ADD2: variants seen among roughly 807,000 people sequenced by gnomAD.
The protein encoded by ADD2 is adducin 2.
In ADD2, 23 loss-of-function variants were observed where a neutral mutation model predicts 83.0. The ratio of observed to expected loss-of-function variants is 0.28; its 90% CI spans 0.20 to 0.39. The LOEUF is 0.39. Among genes scored for constraint, ADD2 ranks in the 10% least tolerant of loss-of-function variants. The pLI, the probability that ADD2 is intolerant of heterozygous loss-of-function variation, is 1.00. For missense variants in ADD2, 758 were observed against 944.9 expected, an observed-to-expected ratio of 0.80 and a Z score of 2.59; for synonymous variants, 375 against 375.4, an observed-to-expected ratio of 1.00 and a Z score of 0.01.
At chr2:70,741,054 C>T (rs956064002) in intron 1 of ADD2, among the ~76,000 whole-genome samples, 2 of 152,124 alleles carry the variant, frequency 1.3e-5, no homozygotes, top group African/African-American at 4.8e-5. Context: ...TGAGTTCCTG[C>T]TCCTTTGTCA....
chr2:70,690,901 G>C lies in ADD2; in HGVS notation c.734C>G (p.Pro245Arg), dbSNP rs1414497807. Residue 245 changes from proline (P) to arginine (R), a missense_variant, in exon 8 of 16, where the codon CCT becomes CGT. This residue lies in a region of ADD2 where 394 missense variants were observed against 509.3 expected (regional missense o/e 0.77). Coordinates refer to ENST00000264436, the MANE Select transcript of ADD2 (RefSeq NM_001617.4). ...AVSAMKWGLL[P>R]VSHNALLVGD... ...CACCAGCAGGGCATTGTGGGAGACAGGCAGGAGGCCCCACTTCATGGCCGA... is the reference window on the plus strand; with the variant it reads ...CACCAGCAGGGCATTGTGGGAGACACGCAGGAGGCCCCACTTCATGGCCGA... 2 of 1,613,594 alleles carry C rather than the reference G, an allele frequency of 1.2e-6. No homozygotes were observed.
chr2:70,683,857 G>A, intron 9 of ADD2, 90 bp from the exon 10 acceptor site: 2 of 1,401,888 alleles, frequency 1.4e-6, no homozygotes, highest in Non-Finnish European at 9.5e-7. Flanking sequence ...AGAATGGGGA[G>A]TCCAGAGGAG....
At chr2:70,738,766 G>A (rs1381993294) in intron 1 of ADD2, among the ~76,000 whole-genome samples, 34 of 152,198 alleles carry the variant, frequency 2.2e-4, no homozygotes, top group Non-Finnish European at 3.1e-4. Flanking sequence ...TCCACCTCTA[G>A]GCTACTTGTA....
chr2:70,721,097 T>G (rs1487267818), intron 1 of ADD2, among the ~76,000 whole-genome samples: 1 of 152,180 alleles, frequency 6.6e-6, no homozygotes, highest in African/African-American at 2.4e-5. Flanking sequence ...TAGGTCAGAA[T>G]AGTCTTATTC....
At chr2:70,749,815 G>A (rs1482086634) in intron 1 of ADD2, among the ~76,000 whole-genome samples, 1 of 152,188 alleles carries the variant, frequency 6.6e-6, no homozygotes, top group Non-Finnish European at 1.5e-5. Context: ...CAGGAGCCTG[G>A]CACATTGGTA....
At chr2:70,680,186 T>C (rs1670386057) in intron 10 of ADD2, among the ~76,000 whole-genome samples, 1 of 152,216 alleles carries the variant, frequency 6.6e-6, no homozygotes, top group Non-Finnish European at 1.5e-5. Context: ...ATGAGTTCAC[T>C]TTTTATGTTT....
intron 2 of ADD2, among the ~76,000 whole-genome samples, chr2:70,707,304 C>T (rs1346426720): frequency 6.6e-6 from 1 of 152,212 alleles, no homozygotes; most frequent in African/African-American, 2.4e-5. Flanking sequence ...GAAACAACAA[C>T]TAAATATGGT....
intron 15 of ADD2, among the ~76,000 whole-genome samples, chr2:70,668,292 G>A (rs1348898946): frequency 6.6e-6 from 1 of 152,060 alleles, no homozygotes; most frequent in Admixed American, 6.5e-5. Flanking sequence ...AGGAATGCCA[G>A]CTCCCCCAGC....
intron 15 of ADD2, among the ~76,000 whole-genome samples, chr2:70,672,160 A>T (rs1669921612): frequency 6.6e-6 from 1 of 152,232 alleles, no homozygotes; most frequent in African/African-American, 2.4e-5. Flanking sequence ...GACAGTCAAC[A>T]AAACTGAGGC....
intron 4 of ADD2, among the ~76,000 whole-genome samples, chr2:70,699,488 A>G (rs1671477735): frequency 6.6e-6 from 1 of 152,188 alleles, no homozygotes; most frequent in Admixed American, 6.5e-5. Context: ...GTTTACAAAA[A>G]ATAAAAACAG....
chr2:70,674,726 A>G lies in ADD2; in HGVS notation c.1693T>C (p.Leu565=). 8 of 1,613,524 alleles carry G rather than the reference A, an allele frequency of 5.0e-6. No individual in the cohort carries two copies. Among genetic ancestry groups the G allele is most frequent in the Non-Finnish European group, 6.8e-6 (8 of 1,179,900 alleles). ...NPFSQLTDQE[L]EEYKKEVERK... ...TCCACCTCTTTCTTGTACTCCTCCA[A>G]CTCCTGGTCAGTGAGTTGGCTGAAG... Residue 565 remains leucine (L), a synonymous_variant, in exon 14 of 16, where the codon TTG becomes CTG. Transcript: ENST00000264436.
At chr2:70,765,243 T>C (rs372639082) in intron 1 of ADD2, among the ~76,000 whole-genome samples, 116 of 149,910 alleles carry the variant, frequency 7.7e-4, no homozygotes, top group African/African-American at 2.8e-3. Flanking sequence ...GTCCCAGCTA[T>C]TCGGGAGGCT....
At position 70,657,081 on chromosome 2, in the gene ADD2, GCACGT is replaced by G. The variant is rs1445287965; in HGVS notation, c.*6339_*6343del. On this transcript the variant is annotated 3_prime_UTR_variant, in exon 16 of 16. Coordinates refer to ENST00000264436, the MANE Select transcript of ADD2 (RefSeq NM_001617.4). ...AGCCCAAGAAACTAACCACCGATCT[GCACGT>G]CAGTGGCTCAAAAAGTGTTAGCATA... 1 of 151,844 alleles carries G rather than the reference GCACGT, an allele frequency of 6.6e-6. No homozygotes were observed. Among genetic ancestry groups the G allele is most frequent in the Non-Finnish European group, 1.5e-5 (1 of 67,994 alleles). The allele number at this position is 151,844 out of a possible 1,614,324, so 9.4% of individuals were successfully genotyped here.
At chr2:70,673,118 C>A in intron 14 of ADD2, 112 bp from the exon 15 acceptor site, 1 of 1,537,346 alleles carries the variant, frequency 6.5e-7, no homozygotes, top group Admixed American at 1.8e-5. Context: ...ATCCTCCTGG[C>A]TGATAATGAG....
rs1670158417 is a variant in ADD2 at position 70,676,654 on chromosome 2, T to C, written c.1593+142A>G. On this transcript the variant is annotated intron_variant, in intron 13 of 15. Transcript: ENST00000264436. This position sits in a 1 kb window ranked among gnomAD's most constrained non-coding sequence, Gnocchi z 4.8. Reference sequence around the variant, plus strand: ...AGCACCCCTGTGAGGTTGGCCTCCATTTTGCAGCAAGAGCACCGGCACCCA... The same window carrying C: ...AGCACCCCTGTGAGGTTGGCCTCCACTTTGCAGCAAGAGCACCGGCACCCA... The C allele has an allele frequency of 1.3e-6, 2 of 1,487,118 alleles. No homozygotes were observed. The highest frequency in any genetic ancestry group is 2.2e-5 in the Admixed American group (1 of 44,936). The allele number at this position is 1,487,118 out of a possible 1,614,324, so 92.1% of individuals were successfully genotyped here.
Position 70,704,458 on chromosome 2 carries a change from G to C in ADD2, c.185C>G (p.Ser62Cys). ...GAGGCCTTCCAGCTCCTCCCTGAAA[G>C]ACTGAAGCAGGCCCCGAGGTGCTTG... ...KRVTMILQSPSFREELEGLIQ... is the reference protein window; with the variant it reads ...KRVTMILQSPCFREELEGLIQ... Residue 62 changes from serine (S) to cysteine (C), a missense_variant and splice_region_variant, in exon 4 of 16, where the codon TCT (serine) becomes TGT (cysteine). By Grantham distance (112) the Ser-to-Cys change is moderately radical. Coordinates refer to ENST00000264436, the MANE Select transcript of ADD2 (RefSeq NM_001617.4). 6.2e-7 allele frequency: 1 copy of C among 1,614,080 alleles called. No homozygotes were observed. Among genetic ancestry groups the C allele is most frequent in the South Asian group, 1.1e-5 (1 of 91,056 alleles).
intron 1 of ADD2, among the ~76,000 whole-genome samples, chr2:70,750,558 G>A (rs13025755): frequency 0.19 from 28,241 of 152,100 alleles, 3,334 homozygotes; most frequent in East Asian, 0.45. Context: ...GACAGAGGTA[G>A]AGACTGGATT....
intron 3 of ADD2, among the ~76,000 whole-genome samples, chr2:70,705,394 G>A (rs2104383079): frequency 6.9e-6 from 1 of 144,432 alleles, no homozygotes; most frequent in Admixed American, 6.8e-5. Context: ...GAGCCCAGAA[G>A]GCCAAGGCAG....
At position 70,715,697 on chromosome 2, in the gene ADD2, G is replaced by A. The variant is rs116675851; in HGVS notation, c.-153-2513C>T. 5.6e-3 allele frequency among the ~76,000 whole-genome samples: 850 copies of A among 152,168 alleles called. 6 individuals are homozygous for A. Among genetic ancestry groups the A allele is most frequent in the Non-Finnish European group, 9.1e-3 (622 of 67,996 alleles). ...GCCTATTCCTGTGTCCTGCAGCCTC[G>A]TTAAAAATCAACCTGCAAATGGACC... On this transcript the variant is annotated intron_variant, in intron 1 of 15. Coordinates refer to ENST00000264436, the MANE Select transcript of ADD2 (RefSeq NM_001617.4).
Sources: allele counts gnomAD v4.1 joint callset (sites outside exome capture counted in the v4.1 genomes callset), GRCh38; gene constraint gnomAD v4.1.1; regional missense constraint gnomAD v4.1.1; non-coding constraint Gnocchi (gnomAD v3.1); transcripts MANE v1.5; gene names NCBI Gene and HGNC (gene_info 2026-07-23, HGNC 2026-07-21).